The following PLAC1 variants were observed in gnomAD, a reference collection of about 807,000 sequenced individuals.
The protein encoded by PLAC1 is placenta-specific protein 1.
For missense variants in PLAC1, 136 were observed against 163.2 expected, an observed-to-expected ratio of 0.83 and a Z score of 0.91; for synonymous variants, 68 against 62.1, an observed-to-expected ratio of 1.09 and a Z score of -0.44.
At chrX:134,577,490 A>G (rs1286347582) in intron 2 of PLAC1, among the ~76,000 whole-genome samples, 1 of 111,513 alleles carries the variant, frequency 9.0e-6, no homozygotes, top group Non-Finnish European at 1.9e-5. Flanking sequence ...GGAGCTCAAG[A>G]CCAGCCTGGC....
intron 2 of PLAC1, among the ~76,000 whole-genome samples, chrX:134,694,078 T>C (rs983070215): frequency 9.0e-6 from 1 of 111,138 alleles, no homozygotes; most frequent in African/African-American, 3.3e-5. Flanking sequence ...TTTTTTTTTC[T>C]CATCAAGAAT....
At chrX:134,654,673 G>A (rs1294825615) in intron 1 of PLAC1, among the ~76,000 whole-genome samples, 1 of 112,195 alleles carries the variant, frequency 8.9e-6, no homozygotes, top group Non-Finnish European at 1.9e-5. Flanking sequence ...TTCTACCAGT[G>A]GCTCAGAGGC....
At chrX:134,614,759 T>C (rs1295108366) in intron 1 of PLAC1, among the ~76,000 whole-genome samples, 5 of 111,949 alleles carry the variant, frequency 4.5e-5, no homozygotes. Context: ...CTCCACCTCC[T>C]GAGTAGCTGG....
intron 1 of PLAC1, among the ~76,000 whole-genome samples, chrX:134,630,855 T>C (rs2078257627): frequency 8.9e-6 from 1 of 112,018 alleles, no homozygotes; most frequent in African/African-American, 3.2e-5. Context: ...TCACCCAGCA[T>C]GTGCCTTGAT....
chrX:134,760,113 A>T (rs1022216283), intron 1 of PLAC1: 2 of 112,163 alleles, frequency 1.8e-5, no homozygotes, highest in Admixed American at 9.5e-5. Flanking sequence ...CATGTAACAA[A>T]ATTTCACTTA....
At chrX:134,666,378 G>A (rs1266945899) in intron 2 of PLAC1, among the ~76,000 whole-genome samples, 4 of 110,886 alleles carry the variant, frequency 3.6e-5, no homozygotes, top group Non-Finnish European at 7.5e-5. Flanking sequence ...TGCCCAAAGT[G>A]TGAAGCTGTG....
chrX:134,761,968 G>A (rs1291570887), intron 1 of PLAC1, among the ~76,000 whole-genome samples: 1 of 111,669 alleles, frequency 9.0e-6, no homozygotes, highest in African/African-American at 3.3e-5. Context: ...CAGAGCATTC[G>A]AGAACTTTTG....
At chrX:134,719,306 A>C (rs1483187346) in intron 2 of PLAC1, among the ~76,000 whole-genome samples, 1 of 112,354 alleles carries the variant, frequency 8.9e-6, no homozygotes, top group Non-Finnish European at 1.9e-5. Flanking sequence ...ATCCAACAAC[A>C]AATAAAATGA....
intron 1 of PLAC1, among the ~76,000 whole-genome samples, chrX:134,615,897 T>G (rs1340588331): frequency 7.2e-5 from 8 of 111,364 alleles, no homozygotes; most frequent in African/African-American, 2.3e-4. Context: ...TGCTTGGGTT[T>G]ATTTATGGGC....
chrX:134,762,821 CAAAAAAAAAAAA>C (rs60721487), intron 1 of PLAC1, among the ~76,000 whole-genome samples: 2 of 14,823 alleles, frequency 1.3e-4, no homozygotes, highest in African/African-American at 2.8e-4. Context: ...GGCTCTATCT[CAAAAAAAAAAAA>C]AAAAAAAAAA....
At chrX:134,689,427 G>T (rs1323347651) in intron 2 of PLAC1, among the ~76,000 whole-genome samples, 2 of 111,666 alleles carry the variant, frequency 1.8e-5, no homozygotes, top group African/African-American at 6.5e-5. Context: ...AGAGTTTTGT[G>T]TTCATGCCCG....
At chrX:134,691,772 T>C (rs1320579269) in intron 2 of PLAC1, among the ~76,000 whole-genome samples, 2 of 111,439 alleles carry the variant, frequency 1.8e-5, no homozygotes, top group African/African-American at 6.5e-5. Context: ...CACTGAGGGA[T>C]GAGACTCTGA....
At chrX:134,687,640 T>C (rs2078521724) in intron 2 of PLAC1, among the ~76,000 whole-genome samples, 1 of 106,453 alleles carries the variant, frequency 9.4e-6, no homozygotes, top group Non-Finnish European at 1.9e-5. Context: ...AGCTAGGTTA[T>C]ACCCCTGTCT....
chrX:134,713,399 A>G (rs911979833), intron 2 of PLAC1, among the ~76,000 whole-genome samples: 5 of 112,733 alleles, frequency 4.4e-5, no homozygotes, highest in Non-Finnish European at 9.4e-5. Flanking sequence ...TTTATTAAAG[A>G]CTGTTTAAAT....
intron 2 of PLAC1, among the ~76,000 whole-genome samples, chrX:134,587,185 A>G (rs1015515573): frequency 9.1e-6 from 1 of 109,773 alleles, no homozygotes; most frequent in Non-Finnish European, 1.9e-5. Context: ...CTAGTAAGTG[A>G]CCAGGAGTCA....
At chrX:134,736,479 C>G (rs1232596586) in intron 1 of PLAC1, among the ~76,000 whole-genome samples, 2 of 109,974 alleles carry the variant, frequency 1.8e-5, no homozygotes. Context: ...ACCGCCCCCA[C>G]CGCCCCGACT....
upstream of PLAC1, among the ~76,000 whole-genome samples, chrX:134,661,727 T>A (rs1343030609): frequency 8.9e-6 from 1 of 111,750 alleles, no homozygotes; most frequent in Non-Finnish European, 1.9e-5. Flanking sequence ...AACCCTGTAG[T>A]AAATTCTTTT....
In PLAC1 at chrX:134,623,660, A is replaced by G. The variant is rs779751560; in HGVS notation, c.-130-21538T>C. ...TATGCTTCTGAGTGGGGCCAGCTGCATGGGAGGACTGAGGCTAGTACTGAT... is the reference window on the plus strand; with the variant it reads ...TATGCTTCTGAGTGGGGCCAGCTGCGTGGGAGGACTGAGGCTAGTACTGAT... On this transcript the variant is annotated intron_variant, in intron 1 of 2. Coordinates refer to ENST00000359237, the MANE Select transcript of PLAC1 (RefSeq NM_021796.4). 1.4e-4 allele frequency among the ~76,000 whole-genome samples: 16 copies of G among 111,543 alleles called. No homozygotes were observed. The South Asian group carries it at 3.8e-3, about 27-fold the overall frequency.
chrX:134,744,357 C>T (rs2078724325), intron 1 of PLAC1, among the ~76,000 whole-genome samples: 1 of 110,729 alleles, frequency 9.0e-6, no homozygotes, highest in Non-Finnish European at 1.9e-5. Flanking sequence ...CTACTCTTCT[C>T]CCCGCTCCCT....
Sources: allele counts gnomAD v4.1 joint callset (sites outside exome capture counted in the v4.1 genomes callset), GRCh38; gene constraint gnomAD v4.1.1; transcripts MANE v1.5; gene names NCBI Gene and HGNC (gene_info 2026-07-23, HGNC 2026-07-21).